RTRAF: variants seen among roughly 807,000 people sequenced by gnomAD.
RTRAF encodes RNA transcription, translation and transport factor.
In RTRAF, 14 loss-of-function variants were observed where a neutral mutation model predicts 34.4. The observed-to-expected ratio is 0.41, with a 90% CI of 0.27 to 0.64. RTRAF has a LOEUF of 0.64. Ranked by LOEUF, RTRAF falls within the 30% of genes least tolerant of loss-of-function variation. The pLI, the probability that RTRAF is intolerant of heterozygous loss-of-function variation, is 0.34. For missense variants in RTRAF, 291 were observed against 288.4 expected, an observed-to-expected ratio of 1.01 and a Z score of -0.06; for synonymous variants, 96 against 95.3, an observed-to-expected ratio of 1.01 and a Z score of -0.04.
rs1890795650 is a variant in RTRAF, at chr14:52,006,631, C to T, written c.*2115C>T. Reference sequence around the variant, plus strand: ...TGAATGACACGCCGTCCAGTTCCATCAGGTAGTGTACACTCCAGTTTTTTG... The same window carrying T: ...TGAATGACACGCCGTCCAGTTCCATTAGGTAGTGTACACTCCAGTTTTTTG... On this transcript the variant is annotated 3_prime_UTR_variant, in exon 8 of 8. Coordinates refer to ENST00000261700, the MANE Select transcript of RTRAF (RefSeq NM_016039.3). 3.7e-6 allele frequency: 6 copies of T among 1,613,810 alleles called. No individual in the cohort carries two copies. The East Asian group carries it at 1.3e-4, about 36-fold the overall frequency.
chr14:52,004,288 A>ATACT (rs1288897943), intron 7 of RTRAF, 46 bp downstream of exon 7: 3 of 1,583,566 alleles, frequency 1.9e-6, no homozygotes, highest in Non-Finnish European at 2.6e-6. Flanking sequence ...TACAGACTGA[A>ATACT]TACTTGGGAG....
chr14:51,989,742 G>A, intron 1 of RTRAF, 42 bp downstream of exon 1: 1 of 1,563,832 alleles, frequency 6.4e-7, no homozygotes, highest in Non-Finnish European at 8.7e-7. Context: ...CCCTGACCTG[G>A]GCGGAGGTCC....
In RTRAF at chr14:52,006,185, C is replaced by T. The variant is rs767238348; in HGVS notation, c.*1669C>T. The T allele has an allele frequency of 9.6e-5, 38 of 395,048 alleles. No individual in the cohort carries two copies. The highest frequency in any genetic ancestry group is 2.2e-4 in the Admixed American group (6 of 26,680). The allele number at this position is 395,048 out of a possible 1,614,324, so 24.5% of individuals were successfully genotyped here. ...GACAATATGTCCACAGTGTCAAAAG[C>T]CAACTTAAGCCCTGTAATATAGCTC... is the stretch of plus-strand genomic sequence containing the variant. On this transcript the variant is annotated 3_prime_UTR_variant, in exon 8 of 8. Coordinates refer to ENST00000261700, the MANE Select transcript of RTRAF (RefSeq NM_016039.3).
At chr14:51,999,651 T>A (rs1398576569) in intron 4 of RTRAF, 57 bp from the exon 5 acceptor site, 3 of 1,205,118 alleles carry the variant, frequency 2.5e-6, no homozygotes, top group Non-Finnish European at 3.6e-6. Context: ...CACAAATATG[T>A]TTGTAATTAT....
In RTRAF at chr14:52,007,946, C is replaced by G. The variant is rs2140340629; in HGVS notation, c.*3430C>G. The G allele has an allele frequency of 6.2e-7, 1 of 1,612,018 alleles. No individual in the cohort carries two copies. The highest frequency in any genetic ancestry group is 2.2e-5 in the East Asian group (1 of 44,862). On this transcript the variant is annotated 3_prime_UTR_variant, in exon 8 of 8. Coordinates refer to ENST00000261700, the MANE Select transcript of RTRAF (RefSeq NM_016039.3). ...TTTCAATTTTAGGAGCTTCTCTATT[C>G]CAGTCTGTCCAGTACAAGTTGCTGT...
At chr14:51,993,687 A>T (rs780312449) in intron 2 of RTRAF, 36 bp from the exon 3 acceptor site, 9 of 1,268,126 alleles carry the variant, frequency 7.1e-6, no homozygotes, top group South Asian at 1.3e-5. Flanking sequence ...TATGGTAATA[A>T]TGAAACTGGT....
In RTRAF at chr14:52,006,500, G is replaced by A. The variant is rs1324316937; in HGVS notation, c.*1984G>A. 2 of 1,611,614 alleles carry A rather than the reference G, an allele frequency of 1.2e-6. No homozygotes were observed. The highest frequency in any genetic ancestry group is 1.7e-6 in the Non-Finnish European group (2 of 1,178,426). On this transcript the variant is annotated 3_prime_UTR_variant, in exon 8 of 8. Transcript: ENST00000261700. ...AAGTGGTGTGTCCTCTGGAACAGTTGGCCTTTTCAGGCTTGTCCAGAATTT... is the reference window on the plus strand; with the variant it reads ...AAGTGGTGTGTCCTCTGGAACAGTTAGCCTTTTCAGGCTTGTCCAGAATTT...
chr14:52,008,925 A>G lies in RTRAF; in HGVS notation c.*4409A>G, dbSNP rs1178307800. ...GCCACGTTAAAAATGAAATATATTC[A>G]TAACAGATACTAACGAGGAAATATG... On this transcript the variant is annotated 3_prime_UTR_variant, in exon 8 of 8. Coordinates refer to ENST00000261700, the MANE Select transcript of RTRAF (RefSeq NM_016039.3). 2.0e-5 allele frequency: 3 copies of G among 152,218 alleles called. No individual in the cohort carries two copies. Among genetic ancestry groups the G allele is most frequent in the East Asian group, 3.9e-4 (2 of 5,154 alleles). 9.4% of individuals were successfully genotyped at this position (152,218 alleles called of 1,614,324 possible).
Position 52,001,832 on chromosome 14 carries a change from A to ATC in RTRAF, c.497_498insTC (p.Gln166HisfsTer19). 2 of 1,609,952 alleles carry ATC rather than the reference A, an allele frequency of 1.2e-6. No individual in the cohort carries two copies. The highest frequency in any genetic ancestry group is 1.7e-6 in the Non-Finnish European group (2 of 1,178,956). Reference sequence around the variant, plus strand: ...ATTTTGGTTCAGGAGCGCCTGACACAGGATGCAGTTGCTAAGGCAAATCAA... The same window carrying ATC: ...ATTTTGGTTCAGGAGCGCCTGACACATCGGATGCAGTTGCTAAGGCAAATCAA... On this transcript the variant is annotated frameshift_variant, in exon 6 of 8. Transcript: ENST00000261700. LOFTEE classifies it high-confidence loss of function.
chr14:51,996,087 G>A (rs118031430), intron 3 of RTRAF, among the ~76,000 whole-genome samples: 105 of 152,158 alleles, frequency 6.9e-4, no homozygotes, highest in Middle Eastern at 3.4e-3. Flanking sequence ...TATACCTGCA[G>A]TTGACTTTAG....
chr14:51,990,006 C>G (rs529935106), intron 1 of RTRAF, among the ~76,000 whole-genome samples: 54 of 152,376 alleles, frequency 3.5e-4, no homozygotes, highest in African/African-American at 1.3e-3. Context: ...CACTATTCAA[C>G]TCCATGGTTC....
chr14:52,005,344 T>C lies in RTRAF; in HGVS notation c.*828T>C. 2 of 670,990 alleles carry C rather than the reference T, an allele frequency of 3.0e-6. No homozygotes were observed. The highest frequency in any genetic ancestry group is 1.8e-5 in the African/African-American group (1 of 54,848). 41.6% of individuals were successfully genotyped at this position (670,990 alleles called of 1,614,324 possible). ...GTATCAGCTTTTCACAAAAGTCTTT[T>C]TGCACTACAAAATGTTCATCTTGGA... On this transcript the variant is annotated 3_prime_UTR_variant, in exon 8 of 8. Transcript: ENST00000261700.
At position 52,006,493 on chromosome 14, in the gene RTRAF, A is replaced by G; in HGVS notation, c.*1977A>G. 6.2e-7 allele frequency: 1 copy of G among 1,610,894 alleles called. No individual in the cohort carries two copies. The highest frequency in any genetic ancestry group is 8.5e-7 in the Non-Finnish European group (1 of 1,177,876). ...GTAAAACAAGTGGTGTGTCCTCTGG[A>G]ACAGTTGGCCTTTTCAGGCTTGTCC... On this transcript the variant is annotated 3_prime_UTR_variant, in exon 8 of 8. Coordinates refer to ENST00000261700, the MANE Select transcript of RTRAF (RefSeq NM_016039.3).
chr14:51,993,384 C>A (rs150865245), intron 2 of RTRAF, among the ~76,000 whole-genome samples: 2 of 152,048 alleles, frequency 1.3e-5, no homozygotes, highest in African/African-American at 4.8e-5. Context: ...TAAAGTTATT[C>A]TTTTTAGTTA....
Position 52,005,822 on chromosome 14 carries a change from A to G in RTRAF, c.*1306A>G, listed in dbSNP as rs143035181. ...GATACTCATCAGTAAACTGGCCACT[A>G]TGTTTATTTACTGATACAACACCAT... On this transcript the variant is annotated 3_prime_UTR_variant, in exon 8 of 8. Coordinates refer to ENST00000261700, the MANE Select transcript of RTRAF (RefSeq NM_016039.3). The G allele has an allele frequency of 4.6e-5, 75 of 1,613,116 alleles. No homozygotes were observed. The African/African-American group carries it at 8.0e-4, about 17-fold the overall frequency.
In RTRAF at chr14:52,006,708, AAATGATAGTGACAT is replaced by A. The variant is rs1319640244; in HGVS notation, c.*2194_*2207del. The A allele has an allele frequency of 6.2e-7, 1 of 1,605,400 alleles. No homozygotes were observed. The highest frequency in any genetic ancestry group is 8.5e-7 in the Non-Finnish European group (1 of 1,173,502). ...TGAGGTCCTTCAGCTGCTTTGCCAA[AAATGATAGTGACAT>A]AGTGATAGTGACACAGTGATAGAAT... On this transcript the variant is annotated 3_prime_UTR_variant, in exon 8 of 8. Coordinates refer to ENST00000261700, the MANE Select transcript of RTRAF (RefSeq NM_016039.3).
Position 52,005,537 on chromosome 14 carries a change from G to GTATA in RTRAF, c.*1023_*1026dup. The GTATA allele has an allele frequency of 6.3e-7, 1 of 1,588,326 alleles. No individual in the cohort carries two copies. Among genetic ancestry groups the GTATA allele is most frequent in the Non-Finnish European group, 8.6e-7 (1 of 1,168,898 alleles). ...AGGGGTGGGACAGGGTGGTGGGTGAGTATATTGTAACCAAGTTGCAACAGC... is the reference window on the plus strand; with the variant it reads ...AGGGGTGGGACAGGGTGGTGGGTGAGTATATATATTGTAACCAAGTTGCAACAGC... On this transcript the variant is annotated 3_prime_UTR_variant, in exon 8 of 8. Transcript: ENST00000261700.
Position 52,010,671 on chromosome 14 carries a change from TAAAATA to T in RTRAF, c.*6156_*6161del, listed in dbSNP as rs1469257933. The T allele has an allele frequency of 1.9e-6, 1 of 529,454 alleles. No homozygotes were observed. The highest frequency in any genetic ancestry group is 3.4e-6 in the Non-Finnish European group (1 of 296,244). The allele number at this position is 529,454 out of a possible 1,614,324, so 32.8% of individuals were successfully genotyped here. A position where few individuals can be genotyped will look rare whatever the true frequency, so the allele number is the denominator to read the frequency against. On this transcript the variant is annotated 3_prime_UTR_variant, in exon 8 of 8. Coordinates refer to ENST00000261700, the MANE Select transcript of RTRAF (RefSeq NM_016039.3). The stretch of plus-strand genomic sequence containing the variant: ...TTATACCAGTCTTGTTTCCTCCTAA[TAAAATA>T]TAAGTGCCATGAAAGAACAGACCTT...
In RTRAF at chr14:52,005,550, A is replaced by C; in HGVS notation, c.*1034A>C. ...GGTGGTGGGTGAGTATATTGTAACC[A>C]AGTTGCAACAGCAAGTCTTTGCATT... On this transcript the variant is annotated 3_prime_UTR_variant, in exon 8 of 8. Coordinates refer to ENST00000261700, the MANE Select transcript of RTRAF (RefSeq NM_016039.3). 1 of 1,570,022 alleles carries C rather than the reference A, an allele frequency of 6.4e-7. No homozygotes were observed. Among genetic ancestry groups the C allele is most frequent in the East Asian group, 2.2e-5 (1 of 44,654 alleles).
Sources: gnomAD v4.1 joint callset for allele counts (sites outside exome capture counted in the v4.1 genomes callset) on GRCh38, gnomAD v4.1.1 for gene constraint, MANE v1.5 for transcripts, NCBI Gene and HGNC (gene_info 2026-07-23, HGNC 2026-07-21) for gene names.